The following DPF3 variants were observed in gnomAD, a reference collection of about 807,000 sequenced individuals.
The protein encoded by DPF3 is double PHD fingers 3, also known as zinc finger protein DPF3.
In DPF3, 18 loss-of-function variants were observed where a neutral mutation model predicts 56.8. The observed-to-expected ratio is 0.32, with a 90% CI of 0.22 to 0.47. The LOEUF (loss-of-function observed/expected upper bound fraction) is 0.47. DPF3 is among the 20% of genes least tolerant of loss of function. The pLI is 1.00. For synonymous variants in DPF3, 188 were observed against 180.2 expected, an observed-to-expected ratio of 1.04 and a Z score of -0.35; for missense variants, 403 against 488.8, an observed-to-expected ratio of 0.82 and a Z score of 1.65.
intron 8 of DPF3, among the ~76,000 whole-genome samples, chr14:72,630,678 C>T (rs186423951): frequency 1.2e-4 from 19 of 152,288 alleles, no homozygotes; most frequent in Admixed American, 2.0e-4. Context: ...ATTCCCAAGT[C>T]GCCCAGTACT....
intron 8 of DPF3, among the ~76,000 whole-genome samples, chr14:72,647,085 C>A (rs1885749234): frequency 6.6e-6 from 1 of 152,210 alleles, no homozygotes; most frequent in Non-Finnish European, 1.5e-5. Flanking sequence ...CCTGAGTCAG[C>A]CTTGCTCAAT....
At chr14:72,787,950 A>G (rs1304367780) in intron 1 of DPF3, among the ~76,000 whole-genome samples, 3 of 152,236 alleles carry the variant, frequency 2.0e-5, no homozygotes, top group Admixed American at 2.0e-4. Context: ...AATATTCGCC[A>G]AAGTGTGAGC....
At chr14:72,825,539 T>C (rs1388320809) in intron 1 of DPF3, among the ~76,000 whole-genome samples, 1 of 152,214 alleles carries the variant, frequency 6.6e-6, no homozygotes, top group Non-Finnish European at 1.5e-5. Flanking sequence ...TTCTAGAACA[T>C]AGAAAATTTC....
intron 8 of DPF3, chr14:72,661,946 G>A: frequency 1.0e-6 from 1 of 976,546 alleles, no homozygotes; most frequent in African/African-American, 1.9e-5. Context: ...TCCATCAATA[G>A]ATGGAATTCC....
intron 1 of DPF3, among the ~76,000 whole-genome samples, chr14:72,788,960 A>G (rs1892320580): frequency 6.6e-6 from 1 of 152,166 alleles, no homozygotes; most frequent in Admixed American, 6.5e-5. Flanking sequence ...GTTAGGATTA[A>G]TTTTATCTTC....
chr14:72,881,848 T>A (rs1319057977), intron 1 of DPF3, among the ~76,000 whole-genome samples: 2 of 152,082 alleles, frequency 1.3e-5, no homozygotes, highest in Non-Finnish European at 2.9e-5. Flanking sequence ...GATGGCAAAT[T>A]GAACACAGTG....
intron 1 of DPF3, among the ~76,000 whole-genome samples, chr14:72,823,213 C>T (rs1187332401): frequency 6.6e-6 from 1 of 152,222 alleles, no homozygotes; most frequent in Non-Finnish European, 1.5e-5. Flanking sequence ...TCTGCTCACC[C>T]AAACCTCCCT....
chr14:72,747,339 G>T (rs946944351), intron 3 of DPF3, among the ~76,000 whole-genome samples: 1 of 152,138 alleles, frequency 6.6e-6, no homozygotes, highest in Non-Finnish European at 1.5e-5. Flanking sequence ...GTTGTGGGGG[G>T]GTAATAACCC....
intron 1 of DPF3, among the ~76,000 whole-genome samples, chr14:72,854,931 C>G (rs1885119583): frequency 6.6e-6 from 1 of 152,168 alleles, no homozygotes; most frequent in South Asian, 2.1e-4. Context: ...TACTTTTGCC[C>G]TCTCCTTTCC....
At chr14:72,806,611 G>A (rs968276511) in intron 1 of DPF3, among the ~76,000 whole-genome samples, 1 of 152,098 alleles carries the variant, frequency 6.6e-6, no homozygotes, top group Non-Finnish European at 1.5e-5. Context: ...ACCCGCACTG[G>A]GCGAAAGAAC....
At chr14:72,833,870 T>C (rs1291739195) in intron 1 of DPF3, among the ~76,000 whole-genome samples, 1 of 152,116 alleles carries the variant, frequency 6.6e-6, no homozygotes, top group Non-Finnish European at 1.5e-5. Context: ...CATTCGGTCA[T>C]TAGGGAAATG....
At chr14:72,859,487 C>A (rs1599501671) in intron 1 of DPF3, among the ~76,000 whole-genome samples, 1 of 116,582 alleles carries the variant, frequency 8.6e-6, no homozygotes, top group African/African-American at 3.3e-5. Flanking sequence ...CCCCCCCACA[C>A]CATTCCCCCC....
At chr14:72,717,057 T>C (rs1364591300) in intron 5 of DPF3, among the ~76,000 whole-genome samples, 1 of 152,190 alleles carries the variant, frequency 6.6e-6, no homozygotes, top group Non-Finnish European at 1.5e-5. Flanking sequence ...CACACGTTCA[T>C]TCATTCATTG....
Position 72,772,935 on chromosome 14 carries a change from G to A in DPF3, c.33-1042C>T, listed in dbSNP as rs1403014112. 2.0e-5 allele frequency among the ~76,000 whole-genome samples: 3 copies of A among 152,112 alleles called. No individual in the cohort carries two copies. In the South Asian group the frequency reaches 6.2e-4, roughly 32 times the overall value. ...AGTGTGGGAAGAAGAAGTAGGAAGGGAAGGAGCCACAGAGTTCACAGGGGC... is the reference window on the plus strand; with the variant it reads ...AGTGTGGGAAGAAGAAGTAGGAAGGAAAGGAGCCACAGAGTTCACAGGGGC... On this transcript the variant is annotated intron_variant, in intron 1 of 10. Coordinates refer to ENST00000556509, the MANE Select transcript of DPF3 (RefSeq NM_001280542.3).
chr14:72,827,411 T>C (rs187714670), intron 1 of DPF3, among the ~76,000 whole-genome samples: 2 of 151,894 alleles, frequency 1.3e-5, no homozygotes, highest in African/African-American at 4.8e-5. Flanking sequence ...CTTTTCTGAA[T>C]TGTGCAATAT....
intron 3 of DPF3, among the ~76,000 whole-genome samples, chr14:72,739,872 G>T (rs75394719): frequency 0.012 from 1,834 of 152,258 alleles, 38 homozygotes; most frequent in African/African-American, 0.043. Context: ...CAAAAATCCC[G>T]GCCCTCATAG....
intron 1 of DPF3, among the ~76,000 whole-genome samples, chr14:72,862,239 C>G (rs1885468094): frequency 6.6e-6 from 1 of 152,142 alleles, no homozygotes; most frequent in Admixed American, 6.5e-5. Context: ...TGCACCTGCT[C>G]TTGGCCATTT....
At chr14:72,857,490 C>A (rs1885212373) in intron 1 of DPF3, among the ~76,000 whole-genome samples, 1 of 152,144 alleles carries the variant, frequency 6.6e-6, no homozygotes, top group South Asian at 2.1e-4. Context: ...GATACTATTA[C>A]TACTGCTGCT....
intron 6 of DPF3, among the ~76,000 whole-genome samples, chr14:72,696,668 CA>C (rs759872359): frequency 1.3e-5 from 2 of 152,208 alleles, no homozygotes; most frequent in Non-Finnish European, 2.9e-5. Context: ...TCTACAAAAC[CA>C]AACCTAAGCA....
Sources: gnomAD v4.1 joint callset for allele counts (sites outside exome capture counted in the v4.1 genomes callset) on GRCh38, gnomAD v4.1.1 for gene constraint, MANE v1.5 for transcripts, NCBI Gene and HGNC (gene_info 2026-07-23, HGNC 2026-07-21) for gene names.